The following MGST1 variants were observed in gnomAD, a reference collection of about 807,000 sequenced individuals.
MGST1 encodes microsomal glutathione S-transferase 1.
In MGST1, 5 loss-of-function variants were observed where a neutral mutation model predicts 8.9. The ratio of observed to expected loss-of-function variants is 0.56; its 90% CI spans 0.29 to 1.19. The LOEUF is 1.19. MGST1 is among the 50% of genes most tolerant of loss of function. The pLI is 0.08. For missense variants in MGST1, 182 were observed against 187.4 expected (o/e 0.97, Z 0.17); for synonymous variants, 54 against 67.8 (o/e 0.80, Z 1.00).
intron 4 of MGST1, among the ~76,000 whole-genome samples, chr12:16,463,167 C>T (rs1298985534): frequency 3.9e-5 from 6 of 152,078 alleles, no homozygotes; most frequent in Admixed American, 1.3e-4. Context: ...TACCTCTCCC[C>T]TTACCTTACC....
chr12:16,449,369 A>C (rs566899118), intron 4 of MGST1, among the ~76,000 whole-genome samples: 1 of 152,004 alleles, frequency 6.6e-6, no homozygotes, highest in East Asian at 2.0e-4. Flanking sequence ...GTGCTAAATC[A>C]TTCATGAAGG....
intron 4 of MGST1, among the ~76,000 whole-genome samples, chr12:16,494,720 C>T (rs184689984): frequency 6.6e-6 from 1 of 152,138 alleles, no homozygotes; most frequent in Admixed American, 6.6e-5. Context: ...GCTTCTTTTC[C>T]AAGACCCAAG....
At chr12:16,434,343 T>C (rs544431698) in intron 1 of MGST1, among the ~76,000 whole-genome samples, 29 of 152,198 alleles carry the variant, frequency 1.9e-4, no homozygotes, top group African/African-American at 6.0e-4. Context: ...TACTTTCTAG[T>C]TTTAAAACAC....
intron 4 of MGST1, among the ~76,000 whole-genome samples, chr12:16,518,257 T>C (rs1941626836): frequency 2.0e-5 from 3 of 152,192 alleles, no homozygotes; most frequent in Admixed American, 1.3e-4. Context: ...CTTATCAAGG[T>C]TGTCTCTGCC....
intron 1 of MGST1, among the ~76,000 whole-genome samples, chr12:16,352,208 T>C (rs1445612489): frequency 6.6e-6 from 1 of 152,220 alleles, no homozygotes; most frequent in East Asian, 1.9e-4. Context: ...CATAGTATAG[T>C]TGAACACATA....
intron 4 of MGST1, among the ~76,000 whole-genome samples, chr12:16,476,253 A>G (rs1751349977): frequency 6.6e-6 from 1 of 152,220 alleles, no homozygotes; most frequent in African/African-American, 2.4e-5. Flanking sequence ...AGCAGGAAAA[A>G]TAAGGAGACA....
At chr12:16,581,790 A>C (rs749166345) in intron 4 of MGST1, among the ~76,000 whole-genome samples, 10 of 152,070 alleles carry the variant, frequency 6.6e-5, no homozygotes, top group Non-Finnish European at 1.5e-4. Flanking sequence ...TAAAGCATAT[A>C]TATTTTAATA....
At chr12:16,449,227 C>A (rs189565715) in intron 4 of MGST1, among the ~76,000 whole-genome samples, 9 of 152,000 alleles carry the variant, frequency 5.9e-5, no homozygotes, top group Admixed American at 5.2e-4. Flanking sequence ...AGGGGACTTA[C>A]AATCATGGCA....
intron 4 of MGST1, among the ~76,000 whole-genome samples, chr12:16,457,063 T>G (rs1941179487): frequency 6.6e-6 from 1 of 151,962 alleles, no homozygotes; most frequent in Non-Finnish European, 1.5e-5. Flanking sequence ...TTCAAAGAAT[T>G]TGGACCATCC....
chr12:16,513,901 A>AT lies in MGST1; in HGVS notation n.483-75626dup. The AT allele has an allele frequency of 1.7e-6, 1 of 598,860 alleles. No individual in the cohort carries two copies. The highest frequency in any genetic ancestry group is 3.2e-6 in the Non-Finnish European group (1 of 309,460). The allele number at this position is 598,860 out of a possible 1,614,324, so 37.1% of individuals were successfully genotyped here. ...CACACCCATCTTCAGGGATACTGGC[A>AT]TGCAGCTACAAGGTTATCGATACTA... On this transcript the variant is annotated intron_variant and non_coding_transcript_variant, in intron 4 of 4. Transcript: ENST00000538857. The surrounding 1 kb of genome is among the most constrained non-coding windows in gnomAD (Gnocchi z 4.2).
intron 1 of MGST1, among the ~76,000 whole-genome samples, chr12:16,409,390 AGTATCTTT>A (rs1940723218): frequency 6.6e-6 from 1 of 152,136 alleles, no homozygotes; most frequent in Non-Finnish European, 1.5e-5. Flanking sequence ...TTACCCACAA[AGTATCTTT>A]GTACCTGCAA....
chr12:16,350,079 A>G (rs1939394978), intron 1 of MGST1, among the ~76,000 whole-genome samples: 1 of 152,134 alleles, frequency 6.6e-6, no homozygotes, highest in African/African-American at 2.4e-5. Context: ...AAGGCTCACA[A>G]GAATCCAGTG....
intron 4 of MGST1, among the ~76,000 whole-genome samples, chr12:16,463,746 C>G (rs183657542): frequency 0.019 from 2,957 of 151,866 alleles, 47 homozygotes; most frequent in Non-Finnish European, 0.032. Flanking sequence ...TATTTTCTAC[C>G]CTACGTAGTG....
At chr12:16,562,512 C>A (rs1196135194) in intron 4 of MGST1, among the ~76,000 whole-genome samples, 1 of 152,180 alleles carries the variant, frequency 6.6e-6, no homozygotes, top group Non-Finnish European at 1.5e-5. Flanking sequence ...GAGCATTTAT[C>A]AGCTACCTGA....
intron 3 of MGST1, chr12:16,360,396 G>T (rs186447784): frequency 1.1e-3 from 1,103 of 983,786 alleles, no homozygotes; most frequent in Admixed American, 1.4e-3. Flanking sequence ...TGCAACAATT[G>T]TGAAAGTTAA....
In MGST1 at chr12:16,528,196, T is replaced by C. The variant is rs1941701089; in HGVS notation, n.483-61332T>C. ...CAAAACAATGTCCGCCTTTTTCATT[T>C]TGTGGGGATAACCCATACATTTTCA... On this transcript the variant is annotated intron_variant and non_coding_transcript_variant, in intron 4 of 4. Transcript: ENST00000538857. Among the ~76,000 whole-genome samples the C allele has an allele frequency of 2.0e-5, 3 of 152,046 alleles. No homozygotes were observed. The South Asian group carries it at 6.2e-4, about 31-fold the overall frequency.
At chr12:16,447,018 T>A (rs1400931132) in intron 4 of MGST1, among the ~76,000 whole-genome samples, 2 of 151,912 alleles carry the variant, frequency 1.3e-5, no homozygotes, top group Non-Finnish European at 2.9e-5. Flanking sequence ...CCTAAGCCTC[T>A]CTATTCCTTT....
chr12:16,456,576 G>A (rs895692743), intron 4 of MGST1, among the ~76,000 whole-genome samples: 2 of 151,880 alleles, frequency 1.3e-5, no homozygotes, highest in Admixed American at 1.3e-4. Flanking sequence ...AACATCAGTA[G>A]TTATTTCTAC....
chr12:16,542,653 GGCT>G (rs1941799438), intron 4 of MGST1, among the ~76,000 whole-genome samples: 1 of 152,014 alleles, frequency 6.6e-6, no homozygotes, highest in Admixed American at 6.6e-5. Flanking sequence ...ATTCTGTAAT[GGCT>G]ACTATGCAAT....
Sources: allele counts gnomAD v4.1 joint callset (sites outside exome capture counted in the v4.1 genomes callset), GRCh38; gene constraint gnomAD v4.1.1; non-coding constraint Gnocchi (gnomAD v3.1); transcripts MANE v1.5; gene names NCBI Gene and HGNC (gene_info 2026-07-23, HGNC 2026-07-21).